The following GALNTL6 variants were observed in gnomAD, a reference collection of about 807,000 sequenced individuals.
GALNTL6 encodes the protein polypeptide N-acetylgalactosaminyltransferase-like 6.
In GALNTL6, 46 loss-of-function variants were observed where a neutral mutation model predicts 73.7. That is an observed-to-expected ratio of 0.62 (90% confidence interval 0.49 to 0.80). The LOEUF (loss-of-function observed/expected upper bound fraction) is 0.80, where lower values mean the gene tolerates loss of function less well. Ranked by LOEUF, GALNTL6 falls within the 30% of genes least tolerant of loss-of-function variation. The probability of loss-of-function intolerance (pLI) is 0.00; values close to 1 mark genes in which losing one functional copy is unlikely to be tolerated. For missense variants in GALNTL6, 604 were observed against 755.0 expected (o/e 0.80, Z 2.34); for synonymous variants, 259 against 263.7 (o/e 0.98, Z 0.17).
At chr4:172,636,003 C>A (rs1217826956) in intron 5 of GALNTL6, among the ~76,000 whole-genome samples, 1 of 152,162 alleles carries the variant, frequency 6.6e-6, no homozygotes, top group Non-Finnish European at 1.5e-5. Context: ...CTTTCAAGCA[C>A]TGTCTTCATT....
chr4:172,172,526 GAC>G (rs539842149), intron 2 of GALNTL6, among the ~76,000 whole-genome samples: 1 of 151,356 alleles, frequency 6.6e-6, no homozygotes, highest in Non-Finnish European at 1.5e-5. Flanking sequence ...AAGAGATTAG[GAC>G]ACACACACAC....
chr4:172,708,544 C>G (rs1211465853), intron 5 of GALNTL6, among the ~76,000 whole-genome samples: 2 of 152,188 alleles, frequency 1.3e-5, no homozygotes, highest in African/African-American at 4.8e-5. Context: ...TAGCCTGACT[C>G]TCCCACAGAT....
At chr4:172,774,420 T>C (rs1738954760) in intron 5 of GALNTL6, among the ~76,000 whole-genome samples, 1 of 152,134 alleles carries the variant, frequency 6.6e-6, no homozygotes, top group Non-Finnish European at 1.5e-5. Context: ...TGAAAACAAT[T>C]GGCCAGGCAG....
intron 5 of GALNTL6, among the ~76,000 whole-genome samples, chr4:172,700,658 G>A (rs959131014): frequency 1.3e-5 from 2 of 152,130 alleles, no homozygotes; most frequent in Admixed American, 1.3e-4. Flanking sequence ...CAAAAAAGGT[G>A]TTCTGATCTC....
chr4:172,355,612 G>A (rs2111228637), intron 5 of GALNTL6, among the ~76,000 whole-genome samples: 2 of 152,112 alleles, frequency 1.3e-5, no homozygotes, highest in East Asian at 3.9e-4. Context: ...AATGAAATAA[G>A]CAAAACATAC....
chr4:173,039,577 C>A (rs1199042267), intron 12 of GALNTL6, among the ~76,000 whole-genome samples: 1 of 152,090 alleles, frequency 6.6e-6, no homozygotes, highest in East Asian at 1.9e-4. Flanking sequence ...TGGTTACTTG[C>A]CAAGCAACCC....
intron 5 of GALNTL6, among the ~76,000 whole-genome samples, chr4:172,363,256 C>T (rs1283555395): frequency 6.6e-6 from 1 of 152,062 alleles, no homozygotes; most frequent in Non-Finnish European, 1.5e-5. Context: ...ATAACGGTTC[C>T]CTTCTTTCTG....
At chr4:172,729,730 T>C (rs1736038501) in intron 5 of GALNTL6, among the ~76,000 whole-genome samples, 1 of 152,196 alleles carries the variant, frequency 6.6e-6, no homozygotes, top group African/African-American at 2.4e-5. Context: ...CTTTAGTGGT[T>C]CCATATAAAC....
chr4:171,849,460 G>A (rs1455012326), intron 2 of GALNTL6, among the ~76,000 whole-genome samples: 1 of 152,104 alleles, frequency 6.6e-6, no homozygotes, highest in East Asian at 1.9e-4. Context: ...TTTTTTCATG[G>A]ACAGTATAAA....
intron 3 of GALNTL6, among the ~76,000 whole-genome samples, chr4:172,299,755 T>C (rs1739838439): frequency 2.0e-5 from 3 of 152,214 alleles, no homozygotes; most frequent in Admixed American, 2.0e-4. Flanking sequence ...ATTTCTGTTC[T>C]TTTACGTTTG....
chr4:171,992,261 T>TC (rs1301122241), intron 2 of GALNTL6, among the ~76,000 whole-genome samples: 1 of 152,032 alleles, frequency 6.6e-6, no homozygotes, highest in East Asian at 1.9e-4. Flanking sequence ...GGTTTTTTTT[T>TC]CTTTTTATTC....
At chr4:171,955,099 C>G (rs914679541) in intron 2 of GALNTL6, among the ~76,000 whole-genome samples, 10 of 152,050 alleles carry the variant, frequency 6.6e-5, no homozygotes, top group Non-Finnish European at 1.2e-4. Context: ...ATGTAAACAA[C>G]TGAATATAAA....
intron 5 of GALNTL6, among the ~76,000 whole-genome samples, chr4:172,487,269 TTCC>T (rs1189680059): frequency 2.1e-5 from 3 of 145,944 alleles, no homozygotes; most frequent in East Asian, 2.1e-4. Flanking sequence ...CTTCCTTCCT[TTCC>T]TCTTTCTTTC....
intron 8 of GALNTL6, among the ~76,000 whole-genome samples, chr4:172,898,506 A>T (rs1384861782): frequency 2.6e-5 from 4 of 151,830 alleles, no homozygotes; most frequent in Admixed American, 2.6e-4. Flanking sequence ...CCTTCATTAC[A>T]GTCATTATTT....
chr4:172,195,059 C>T (rs562398393), intron 2 of GALNTL6, among the ~76,000 whole-genome samples: 10 of 151,924 alleles, frequency 6.6e-5, no homozygotes, highest in South Asian at 6.2e-4. Flanking sequence ...ACCCATCTCA[C>T]GTGCCAAGAC....
At chr4:172,657,544 CTTAGAA>C (rs1416341874) in intron 5 of GALNTL6, among the ~76,000 whole-genome samples, 1 of 151,944 alleles carries the variant, frequency 6.6e-6, no homozygotes, top group African/African-American at 2.4e-5. Flanking sequence ...TTTTTGTTTC[CTTAGAA>C]TTAGATAGAA....
At chr4:171,960,371 G>A (rs148618128) in intron 2 of GALNTL6, among the ~76,000 whole-genome samples, 1 of 152,002 alleles carries the variant, frequency 6.6e-6, no homozygotes, top group Non-Finnish European at 1.5e-5. Flanking sequence ...CTGCCTCCCA[G>A]GTTCAAGTGA....
At chr4:172,774,116 A>C (rs1469049254) in intron 5 of GALNTL6, among the ~76,000 whole-genome samples, 1 of 152,230 alleles carries the variant, frequency 6.6e-6, no homozygotes, top group Non-Finnish European at 1.5e-5. Flanking sequence ...CAACGAATTC[A>C]AGGAAAATCA....
chr4:171,831,967 G>A (rs1025064605), intron 2 of GALNTL6, among the ~76,000 whole-genome samples: 2 of 151,214 alleles, frequency 1.3e-5, no homozygotes, highest in African/African-American at 4.8e-5. Flanking sequence ...GATTGTATGT[G>A]GTTCCTGTAA....
Sources: allele counts gnomAD v4.1 joint callset (sites outside exome capture counted in the v4.1 genomes callset), GRCh38; gene constraint gnomAD v4.1.1; transcripts MANE v1.5; gene names NCBI Gene and HGNC (gene_info 2026-07-23, HGNC 2026-07-21).